Variants in CPED1 observed in about 807,000 individuals in gnomAD.
The protein encoded by CPED1 is cadherin-like and PC-esterase domain-containing protein 1.
Under a neutral mutation model 128.2 loss-of-function variants are expected in CPED1, and 114 were observed. The observed-to-expected ratio is 0.89, with a 90% CI of 0.76 to 1.04. The LOEUF (loss-of-function observed/expected upper bound fraction) is 1.04. CPED1 is among the 50% of genes least tolerant of loss of function. The pLI, the probability that CPED1 is intolerant of heterozygous loss-of-function variation, is 0.00. For missense variants in CPED1, 1,211 were observed against 1,207.1 expected (o/e 1.00, Z -0.05); for synonymous variants, 462 against 426.7 (o/e 1.08, Z -1.02).
intron 7 of CPED1, among the ~76,000 whole-genome samples, chr7:121,110,619 G>GT (rs747559470): frequency 6.6e-6 from 1 of 152,174 alleles, no homozygotes; most frequent in Non-Finnish European, 1.5e-5. Flanking sequence ...TGTGTAACAT[G>GT]TTGAACACAG....
chr7:121,072,539 T>A (rs1794022516), intron 5 of CPED1, among the ~76,000 whole-genome samples: 1 of 152,154 alleles, frequency 6.6e-6, no homozygotes. Context: ...TGTACCTCCA[T>A]GATCAGGATG....
At position 120,992,799 on chromosome 7, in the gene CPED1, T is replaced by C. The variant is rs183066731; in HGVS notation, c.249+2929T>C. 8.6e-4 allele frequency among the ~76,000 whole-genome samples: 131 copies of C among 152,332 alleles called. 2 individuals carry two copies. Among genetic ancestry groups the C allele is most frequent in the Non-Finnish European group, 2.6e-4 (18 of 68,024 alleles). ...GCCTTTTTTGTTGCAGTTGTATCTATGAGAAGACCTTTTGTACTTTGTCAG... is the reference window on the plus strand; with the variant it reads ...GCCTTTTTTGTTGCAGTTGTATCTACGAGAAGACCTTTTGTACTTTGTCAG... On this transcript the variant is annotated intron_variant, in intron 2 of 22. Transcript: ENST00000310396.
At chr7:121,068,506 T>C (rs1793910447) in intron 5 of CPED1, among the ~76,000 whole-genome samples, 1 of 152,072 alleles carries the variant, frequency 6.6e-6, no homozygotes, top group Admixed American at 6.6e-5. Context: ...CATGCTGTTT[T>C]GGTTACTGTA....
At chr7:121,197,390 C>T (rs914964899) in intron 16 of CPED1, among the ~76,000 whole-genome samples, 5 of 151,958 alleles carry the variant, frequency 3.3e-5, no homozygotes, top group South Asian at 2.1e-4. Context: ...TGGATAACAC[C>T]GAATTACTTA....
intron 2 of CPED1, among the ~76,000 whole-genome samples, chr7:120,998,461 C>G (rs183413792): frequency 3.8e-4 from 58 of 152,236 alleles, no homozygotes; most frequent in African/African-American, 1.3e-3. Context: ...TCACATGAAG[C>G]ACTTAAAGTG....
chr7:121,127,539 C>CT (rs67688816), intron 10 of CPED1, among the ~76,000 whole-genome samples: 14,182 of 134,816 alleles, frequency 0.11, 802 homozygotes, highest in South Asian at 0.19. Context: ...CTTTTTCTTT[C>CT]TTTTTTTTTT....
At chr7:121,034,691 G>C (rs1404796257) in intron 3 of CPED1, among the ~76,000 whole-genome samples, 14 of 152,082 alleles carry the variant, frequency 9.2e-5, no homozygotes, top group Admixed American at 8.5e-4. Context: ...AGAACAATTG[G>C]GCAGAGGTGT....
chr7:121,157,460 G>T (rs896009555), intron 16 of CPED1, among the ~76,000 whole-genome samples: 1 of 152,108 alleles, frequency 6.6e-6, no homozygotes, highest in African/African-American at 2.4e-5. Context: ...TGTGAGCAAC[G>T]GGGTGTGTTT....
intron 5 of CPED1, among the ~76,000 whole-genome samples, chr7:121,065,248 CAATTT>C (rs1333246018): frequency 6.6e-6 from 1 of 152,100 alleles, no homozygotes; most frequent in Non-Finnish European, 1.5e-5. Flanking sequence ...ATTCAACTTT[CAATTT>C]AAGATACATA....
At chr7:121,252,555 C>T (rs1201257055) in intron 18 of CPED1, among the ~76,000 whole-genome samples, 21 of 151,890 alleles carry the variant, frequency 1.4e-4, no homozygotes, top group South Asian at 2.1e-4. Context: ...AGAAAATTTT[C>T]GCAACCTACT....
At chr7:121,087,318 A>G (rs1231511485) in intron 5 of CPED1, among the ~76,000 whole-genome samples, 7 of 152,148 alleles carry the variant, frequency 4.6e-5, no homozygotes, top group Non-Finnish European at 8.8e-5. Context: ...TATCCTGCCC[A>G]ACATCTCTCT....
chr7:121,008,551 T>G (rs1792082662), intron 2 of CPED1, among the ~76,000 whole-genome samples: 1 of 152,152 alleles, frequency 6.6e-6, no homozygotes, highest in South Asian at 2.1e-4. Context: ...TACACAATAT[T>G]CACAATATAG....
intron 14 of CPED1, among the ~76,000 whole-genome samples, chr7:121,140,215 G>T (rs1161262979): frequency 6.6e-6 from 1 of 151,892 alleles, no homozygotes; most frequent in African/African-American, 2.4e-5. Context: ...TGACAGGATG[G>T]AGCAGAGGAT....
chr7:121,272,201 A>C lies in CPED1; in HGVS notation c.2868+771A>C, dbSNP rs141178207. On this transcript the variant is annotated intron_variant, in intron 22 of 22. Transcript: ENST00000310396. The stretch of plus-strand genomic sequence containing the variant: ...AGGTTTCCTTCAGTCTCAAAAGCCC[A>C]AATCAAGGGAGAGAAGGCAGGACAC... 2.5e-3 allele frequency among the ~76,000 whole-genome samples: 382 copies of C among 152,216 alleles called. 3 individuals are homozygous for C. Among genetic ancestry groups the C allele is most frequent in the African/African-American group, 8.4e-3 (348 of 41,556 alleles).
intron 16 of CPED1, among the ~76,000 whole-genome samples, chr7:121,228,104 G>C (rs919527793): frequency 6.6e-6 from 1 of 151,998 alleles, no homozygotes; most frequent in African/African-American, 2.4e-5. Flanking sequence ...AATAATTTAT[G>C]ATTAAGACTT....
In CPED1 at chr7:120,999,009, C is replaced by T. The variant is rs140362435; in HGVS notation, c.249+9139C>T. Among the ~76,000 whole-genome samples, 217 of 152,212 alleles carry T rather than the reference C, an allele frequency of 1.4e-3. 1 individual carries two copies. Among genetic ancestry groups the T allele is most frequent in the African/African-American group, 5.1e-3 (210 of 41,538 alleles). ...CAGATCAAATGCTTTAGTTGATTGG[C>T]TTACTGCTACATCCCCAGTGTAAAA... On this transcript the variant is annotated intron_variant, in intron 2 of 22. Transcript: ENST00000310396.
chr7:121,161,928 G>T (rs1796420979), intron 16 of CPED1, among the ~76,000 whole-genome samples: 1 of 152,154 alleles, frequency 6.6e-6, no homozygotes, highest in Non-Finnish European at 1.5e-5. Flanking sequence ...TACAAGTTGA[G>T]ATTCTTCAAT....
chr7:121,024,016 A>T (rs987851507), intron 3 of CPED1, among the ~76,000 whole-genome samples: 2 of 151,970 alleles, frequency 1.3e-5, no homozygotes, highest in Non-Finnish European at 2.9e-5. Flanking sequence ...AACTGGGGGG[A>T]AAAAAGGAAT....
At chr7:121,254,021 CAAAG>C (rs1269606172) in intron 18 of CPED1, among the ~76,000 whole-genome samples, 4 of 151,998 alleles carry the variant, frequency 2.6e-5, no homozygotes, top group African/African-American at 9.7e-5. Flanking sequence ...AGGAAACTAA[CAAAG>C]AAACTCTGGA....
Sources: gnomAD v4.1 joint callset for allele counts (sites outside exome capture counted in the v4.1 genomes callset) on GRCh38, gnomAD v4.1.1 for gene constraint, MANE v1.5 for transcripts, NCBI Gene and HGNC (gene_info 2026-07-23, HGNC 2026-07-21) for gene names.